ANKFN1: variants seen among roughly 807,000 people sequenced by gnomAD.
ANKFN1 encodes the protein ankyrin repeat and fibronectin type-III domain-containing protein 1.
In ANKFN1, 74 loss-of-function variants were observed where a neutral mutation model predicts 108.7. The observed-to-expected ratio is 0.68, with a 90% CI of 0.56 to 0.83. ANKFN1 has a LOEUF of 0.83. Among genes scored for constraint, ANKFN1 ranks in the 40% least tolerant of loss-of-function variants. The pLI is 0.00. For synonymous variants in ANKFN1, 547 were observed against 516.2 expected (o/e 1.06, Z -0.81); for missense variants, 1,505 against 1,382.3 (o/e 1.09, Z -1.41).
intron 1 of ANKFN1, among the ~76,000 whole-genome samples, chr17:56,182,469 A>G (rs536236168): frequency 6.6e-6 from 1 of 152,344 alleles, no homozygotes; most frequent in East Asian, 1.9e-4. Flanking sequence ...ACATTTCCCA[A>G]AGACAAAACC....
intron 14 of ANKFN1, among the ~76,000 whole-genome samples, chr17:56,462,596 CA>C (rs2049942567): frequency 6.6e-6 from 1 of 151,670 alleles, no homozygotes; most frequent in Non-Finnish European, 1.5e-5. Flanking sequence ...CTCTGTCTCA[CA>C]AAAAAATAAA....
chr17:56,083,236 A>G (rs1334500470), intron 4 of ANKFN1, among the ~76,000 whole-genome samples: 2 of 151,402 alleles, frequency 1.3e-5, no homozygotes, highest in African/African-American at 4.8e-5. Context: ...GCAGGTGCTC[A>G]ATAAAGGTCA....
chr17:56,253,412 G>A (rs1420330822), intron 3 of ANKFN1, among the ~76,000 whole-genome samples: 1 of 152,128 alleles, frequency 6.6e-6, no homozygotes, highest in African/African-American at 2.4e-5. Flanking sequence ...AGGCCAGTGG[G>A]TGTACAATGC....
intron 3 of ANKFN1, among the ~76,000 whole-genome samples, chr17:56,262,835 AG>A (rs1232354405): frequency 3.0e-5 from 4 of 132,002 alleles, no homozygotes; most frequent in South Asian, 2.5e-4. Context: ...ACAGCAAGAT[AG>A]TTAGAGAGAC....
intron 2 of ANKFN1, among the ~76,000 whole-genome samples, chr17:56,226,084 A>G (rs1226282810): frequency 6.6e-6 from 1 of 152,228 alleles, no homozygotes; most frequent in African/African-American, 2.4e-5. Flanking sequence ...CAATTTCAGA[A>G]GAATTTTCAG....
chr17:56,151,475 A>T (rs2143440594), upstream of ANKFN1, among the ~76,000 whole-genome samples: 1 of 152,348 alleles, frequency 6.6e-6, no homozygotes, highest in East Asian at 1.9e-4. Context: ...TTTATAAAAT[A>T]AGCAGCATGG....
intron 4 of ANKFN1, among the ~76,000 whole-genome samples, chr17:56,144,177 A>G (rs1439682034): frequency 8.3e-6 from 1 of 120,390 alleles, no homozygotes; most frequent in African/African-American, 2.9e-5. Flanking sequence ...AAAAAAAAAA[A>G]AAAAAAAACA....
chr17:56,205,881 T>C (rs1159552146), intron 1 of ANKFN1, among the ~76,000 whole-genome samples: 1 of 152,254 alleles, frequency 6.6e-6, no homozygotes, highest in East Asian at 1.9e-4. Flanking sequence ...TAATAATCCC[T>C]CCCCTACAGG....
chr17:56,192,336 C>T (rs1160560023), intron 1 of ANKFN1, among the ~76,000 whole-genome samples: 3 of 112,508 alleles, frequency 2.7e-5, no homozygotes, highest in Non-Finnish European at 5.4e-5. Context: ...AGGACATAGG[C>T]GTGGGCAAGG....
chr17:56,284,637 T>A (rs1374257248), intron 3 of ANKFN1, among the ~76,000 whole-genome samples: 1 of 152,236 alleles, frequency 6.6e-6, no homozygotes, highest in Non-Finnish European at 1.5e-5. Context: ...GTTTCAGCTT[T>A]ACATATGCAG....
chr17:56,256,320 G>T (rs187990695), intron 3 of ANKFN1, among the ~76,000 whole-genome samples: 73 of 152,326 alleles, frequency 4.8e-4, no homozygotes, highest in Non-Finnish European at 9.1e-4. Context: ...TAAGAACAAT[G>T]TAATATTTCT....
intron 8 of ANKFN1, among the ~76,000 whole-genome samples, chr17:56,401,138 T>G (rs1038899648): frequency 5.3e-5 from 8 of 152,126 alleles, no homozygotes; most frequent in African/African-American, 1.9e-4. Flanking sequence ...ATGGTGGTAT[T>G]TTGATGTGGA....
At chr17:56,233,633 TG>T (rs1053161896) in intron 3 of ANKFN1, among the ~76,000 whole-genome samples, 35 of 152,204 alleles carry the variant, frequency 2.3e-4, no homozygotes, top group African/African-American at 8.4e-4. Context: ...TAATCTTTTC[TG>T]TCTACAACTC....
At chr17:56,234,917 GGAAT>G (rs1461680697) in intron 3 of ANKFN1, among the ~76,000 whole-genome samples, 2 of 152,074 alleles carry the variant, frequency 1.3e-5, no homozygotes, top group African/African-American at 2.4e-5. Context: ...AGCTCCTTGA[GGAAT>G]CACCACACTG....
rs1356104390 is a variant in ANKFN1, at chr17:56,513,858, A to G, written c.*2589A>G. ...GCAACATTCTTAAATAAAAGTGGGT[A>G]TGTTGTAGCTTCCATAATTAGCTAT... On this transcript the variant is annotated 3_prime_UTR_variant, in exon 21 of 21. Coordinates refer to ENST00000682825, the MANE Select transcript of ANKFN1 (RefSeq NM_001370326.1). Among the ~76,000 whole-genome samples the G allele has an allele frequency of 6.6e-6, 1 of 152,224 alleles. No individual in the cohort carries two copies. Among genetic ancestry groups the G allele is most frequent in the Non-Finnish European group, 1.5e-5 (1 of 68,038 alleles).
chr17:56,326,251 G>A lies in ANKFN1; in HGVS notation c.84G>A (p.Gln28=). Reference sequence around the variant, plus strand: ...GAAGGAGATTCGCTTGCTTTGCACAGAGGCTGAGCCACAGGAGAAAGCAAA... The same window carrying A: ...GAAGGAGATTCGCTTGCTTTGCACAAAGGCTGAGCCACAGGAGAAAGCAAA... The part of the protein sequence containing the change: ...IIGRRFACFA[Q]RLSHRRKQSQ... Residue 28 remains glutamine, a synonymous_variant, in exon 4 of 21, where the codon CAG becomes CAA. Coordinates refer to ENST00000682825, the MANE Select transcript of ANKFN1 (RefSeq NM_001370326.1). The A allele has an allele frequency of 6.2e-7, 1 of 1,613,760 alleles. No homozygotes were observed. Among genetic ancestry groups the A allele is most frequent in the Non-Finnish European group, 8.5e-7 (1 of 1,179,810 alleles).
chr17:56,492,406 A>G, intron 19 of ANKFN1, 53 bp downstream of exon 19: 1 of 687,074 alleles, frequency 1.5e-6, no homozygotes, highest in Non-Finnish European at 2.7e-6. Context: ...GCAGGGTGGA[A>G]AGGGTGAAAA....
At chr17:56,223,296 A>G (rs892022553) in intron 2 of ANKFN1, among the ~76,000 whole-genome samples, 2 of 152,232 alleles carry the variant, frequency 1.3e-5, no homozygotes, top group Non-Finnish European at 2.9e-5. Flanking sequence ...GTGTGCTTCA[A>G]AATAAATCTG....
chr17:56,056,011 C>G (rs1345800777), intron 4 of ANKFN1, among the ~76,000 whole-genome samples: 1 of 151,264 alleles, frequency 6.6e-6, no homozygotes, highest in Non-Finnish European at 1.5e-5. Flanking sequence ...TTTTCTTTTG[C>G]TGCTTATATT....
Sources: gnomAD v4.1 joint callset for allele counts (sites outside exome capture counted in the v4.1 genomes callset) on GRCh38, gnomAD v4.1.1 for gene constraint, MANE v1.5 for transcripts, NCBI Gene and HGNC (gene_info 2026-07-23, HGNC 2026-07-21) for gene names.